The following HECW2 variants were observed in gnomAD, a reference collection of about 807,000 sequenced individuals.
HECW2 encodes E3 ubiquitin-protein ligase HECW2.
A neutral mutation model predicts 175.2 loss-of-function variants in HECW2; 61 were observed. The ratio of observed to expected loss-of-function variants is 0.35; its 90% CI spans 0.28 to 0.43. The LOEUF is 0.43. Among genes scored for constraint, HECW2 ranks in the 20% least tolerant of loss-of-function variants. The probability of loss-of-function intolerance (pLI) is 1.00; values close to 1 mark genes in which losing one functional copy is unlikely to be tolerated. For synonymous variants in HECW2, 671 were observed against 731.0 expected (o/e 0.92, Z 1.32); for missense variants, 1,524 against 2,000.5 (o/e 0.76, Z 4.54).
intron 19 of HECW2, chr2:196,242,458 C>CT: frequency 2.2e-6 from 1 of 455,098 alleles, no homozygotes. Context: ...ATGTGTTTCT[C>CT]AAGTATGTTC....
At chr2:196,354,233 C>T (rs1693278517) in intron 2 of HECW2, among the ~76,000 whole-genome samples, 1 of 152,244 alleles carries the variant, frequency 6.6e-6, no homozygotes, top group Non-Finnish European at 1.5e-5. Flanking sequence ...CTAATTACCA[C>T]ATTGTAACAC....
At chr2:196,277,792 G>A (rs13401966) in intron 15 of HECW2, among the ~76,000 whole-genome samples, 3,002 of 151,910 alleles carry the variant, frequency 0.02, 114 homozygotes, top group African/African-American at 0.068. Context: ...GGAATACTAC[G>A]CAGCCATAAA....
chr2:196,385,236 T>C (rs1220074705), intron 2 of HECW2, among the ~76,000 whole-genome samples: 1 of 152,162 alleles, frequency 6.6e-6, no homozygotes, highest in Non-Finnish European at 1.5e-5. Context: ...CTGTATCTCA[T>C]ATGCAATAAA....
intron 2 of HECW2, among the ~76,000 whole-genome samples, chr2:196,388,254 A>AG (rs1694406740): frequency 6.6e-6 from 1 of 152,224 alleles, no homozygotes; most frequent in Non-Finnish European, 1.5e-5. Context: ...TGATTGGACT[A>AG]CTGTACTCCA....
intron 2 of HECW2, among the ~76,000 whole-genome samples, chr2:196,353,197 A>T (rs550021078): frequency 6.6e-6 from 1 of 152,126 alleles, no homozygotes; most frequent in East Asian, 1.9e-4. Flanking sequence ...TGGCCATCCC[A>T]TTCACCTGGA....
chr2:196,299,164 T>C (rs1690934223), intron 13 of HECW2, among the ~76,000 whole-genome samples: 1 of 146,314 alleles, frequency 6.8e-6, no homozygotes, highest in Non-Finnish European at 1.5e-5. Flanking sequence ...GCATGGATCA[T>C]CTTTTTAGCT....
intron 2 of HECW2, among the ~76,000 whole-genome samples, chr2:196,379,084 A>G (rs924357644): frequency 5.3e-5 from 8 of 152,228 alleles, no homozygotes; most frequent in Admixed American, 5.2e-4. Context: ...GTGAGCAAAA[A>G]AAAAAACAAA....
At chr2:196,584,033 T>G (rs1278155094) in intron 1 of HECW2, among the ~76,000 whole-genome samples, 1 of 151,952 alleles carries the variant, frequency 6.6e-6, no homozygotes, top group Non-Finnish European at 1.5e-5. Flanking sequence ...AGATACTTAC[T>G]CCACCCTTAC....
chr2:196,318,164 T>A (rs1376444779), intron 9 of HECW2, among the ~76,000 whole-genome samples: 1 of 152,216 alleles, frequency 6.6e-6, no homozygotes, highest in African/African-American at 2.4e-5. Context: ...ATTATTTAAG[T>A]TTGAAGATTG....
chr2:196,357,585 T>C (rs935933376), intron 2 of HECW2, among the ~76,000 whole-genome samples: 4 of 152,232 alleles, frequency 2.6e-5, no homozygotes, highest in Non-Finnish European at 4.4e-5. Context: ...TAAACCTTTA[T>C]TCACCAACAA....
intron 19 of HECW2, among the ~76,000 whole-genome samples, chr2:196,243,672 T>C (rs1688546875): frequency 1.3e-5 from 2 of 151,158 alleles, no homozygotes; most frequent in South Asian, 2.1e-4. Flanking sequence ...CTCTGTCTCC[T>C]GAGTTCAAGC....
chr2:196,305,740 G>A (rs970383024), intron 13 of HECW2, among the ~76,000 whole-genome samples: 3 of 152,002 alleles, frequency 2.0e-5, no homozygotes, highest in East Asian at 1.9e-4. Flanking sequence ...CCCTGTCTGC[G>A]ATTCCTCTCA....
chr2:196,355,998 G>A (rs1005541509), intron 2 of HECW2, among the ~76,000 whole-genome samples: 4 of 152,120 alleles, frequency 2.6e-5, no homozygotes, highest in Non-Finnish European at 4.4e-5. Context: ...AAATGCAAAA[G>A]CCCTGAAACA....
rs779621156 is a variant in HECW2, at chr2:196,342,264, C to T, written c.400+1393G>A. ...TACTAAAAATACAAAATTAGCTGGG[C>T]GTGGTGGTGCATGACTGTAATCCCA... On this transcript the variant is annotated intron_variant, in intron 3 of 28. Transcript: ENST00000644978. 6.6e-5 allele frequency among the ~76,000 whole-genome samples: 10 copies of T among 151,668 alleles called. No homozygotes were observed. The South Asian group carries it at 1.7e-3, about 25-fold the overall frequency.
intron 2 of HECW2, among the ~76,000 whole-genome samples, chr2:196,422,432 CCT>C (rs1264929946): frequency 1.3e-5 from 2 of 152,018 alleles, no homozygotes; most frequent in Non-Finnish European, 2.9e-5. Context: ...TCTCTCTTCC[CCT>C]GACACTTGCC....
intron 21 of HECW2, among the ~76,000 whole-genome samples, chr2:196,229,423 G>A (rs4608542): frequency 0.011 from 1,692 of 152,276 alleles, 37 homozygotes; most frequent in African/African-American, 0.038. Context: ...ACTTTGGGAA[G>A]CCAAGGCGGG....
chr2:196,375,675 T>C (rs1330634525), intron 2 of HECW2, among the ~76,000 whole-genome samples: 3 of 152,202 alleles, frequency 2.0e-5, no homozygotes, highest in Admixed American at 6.5e-5. Flanking sequence ...GATGTGGATA[T>C]TGGTATCATG....
chr2:196,362,444 A>G (rs555969348), intron 2 of HECW2, among the ~76,000 whole-genome samples: 2 of 151,776 alleles, frequency 1.3e-5, no homozygotes, highest in East Asian at 3.9e-4. Flanking sequence ...TATTTGATTT[A>G]CTCAGAATAG....
chr2:196,315,537 ACTT>A (rs1158650217), intron 10 of HECW2, among the ~76,000 whole-genome samples: 1 of 152,182 alleles, frequency 6.6e-6, no homozygotes, highest in East Asian at 1.9e-4. Context: ...AAGAGGGAAC[ACTT>A]CTTAAGAATT....
Sources: gnomAD v4.1 joint callset for allele counts (sites outside exome capture counted in the v4.1 genomes callset) on GRCh38, gnomAD v4.1.1 for gene constraint, MANE v1.5 for transcripts, NCBI Gene and HGNC (gene_info 2026-07-23, HGNC 2026-07-21) for gene names.